FSHR: variants seen among roughly 807,000 people sequenced by gnomAD.
The protein encoded by FSHR is follicle stimulating hormone receptor.
FSHR carries 46 observed loss-of-function variants against 52.1 expected under a neutral mutation model. The observed-to-expected ratio is 0.88, with a 90% CI of 0.70 to 1.13. FSHR has a LOEUF of 1.13. Ranked by LOEUF, FSHR falls within the 50% of genes most tolerant of loss-of-function variation. FSHR has a pLI of 0.00. For missense variants in FSHR, 964 were observed against 834.6 expected (o/e 1.16, Z -1.91); for synonymous variants, 399 against 309.6 (o/e 1.29, Z -3.03).
At chr2:49,060,483 C>T (rs904818200) in intron 2 of FSHR, among the ~76,000 whole-genome samples, 1 of 152,196 alleles carries the variant, frequency 6.6e-6, no homozygotes, top group Non-Finnish European at 1.5e-5. Context: ...GGTGGTCACA[C>T]ACCCCAGTAC....
intron 1 of FSHR, among the ~76,000 whole-genome samples, chr2:49,100,160 G>A (rs1670975070): frequency 6.6e-6 from 1 of 152,108 alleles, no homozygotes; most frequent in Non-Finnish European, 1.5e-5. Context: ...GGAGGCCTAA[G>A]CACAGAGCAC....
At chr2:49,086,469 T>C (rs1296904827) in intron 1 of FSHR, among the ~76,000 whole-genome samples, 2 of 152,158 alleles carry the variant, frequency 1.3e-5, no homozygotes, top group East Asian at 3.9e-4. Flanking sequence ...ACTTAAGACT[T>C]TGAGATTTCT....
intron 2 of FSHR, among the ~76,000 whole-genome samples, chr2:49,055,385 G>T (rs541766214): frequency 5.2e-4 from 79 of 150,986 alleles, no homozygotes; most frequent in African/African-American, 1.8e-3. Context: ...AATTTATGAG[G>T]CATAGTTAAC....
intron 8 of FSHR, among the ~76,000 whole-genome samples, chr2:48,979,848 T>C (rs1675167979): frequency 6.6e-6 from 1 of 152,084 alleles, no homozygotes; most frequent in Admixed American, 6.5e-5. Context: ...GGGACTGCAA[T>C]CTGACCCAAG....
At chr2:49,138,158 C>T (rs1672551911) in intron 1 of FSHR, among the ~76,000 whole-genome samples, 1 of 151,998 alleles carries the variant, frequency 6.6e-6, no homozygotes, top group Admixed American at 6.5e-5. Flanking sequence ...AAATAAAAAC[C>T]ACAATGAAAT....
At chr2:49,139,736 T>C (rs1427505296) in intron 1 of FSHR, among the ~76,000 whole-genome samples, 1 of 152,004 alleles carries the variant, frequency 6.6e-6, no homozygotes, top group African/African-American at 2.4e-5. Context: ...TAGCTGGGAC[T>C]ACAGGCACCC....
chr2:49,026,486 C>T (rs1402678548), intron 2 of FSHR, among the ~76,000 whole-genome samples: 2 of 152,142 alleles, frequency 1.3e-5, no homozygotes, highest in Non-Finnish European at 2.9e-5. Context: ...GAGGGTGGCA[C>T]ACAGAAGTTC....
At chr2:49,104,164 C>T (rs949919558) in intron 1 of FSHR, among the ~76,000 whole-genome samples, 1 of 151,978 alleles carries the variant, frequency 6.6e-6, no homozygotes, top group African/African-American at 2.4e-5. Context: ...AAATGCTGAC[C>T]CCAGGCCCAA....
At chr2:49,007,948 A>G (rs1440523718) in intron 4 of FSHR, among the ~76,000 whole-genome samples, 5 of 152,006 alleles carry the variant, frequency 3.3e-5, no homozygotes, top group Non-Finnish European at 5.9e-5. Flanking sequence ...GGCACCCTTA[A>G]CTAGTAAATG....
intron 1 of FSHR, among the ~76,000 whole-genome samples, chr2:49,148,116 G>A: frequency 6.6e-6 from 1 of 152,100 alleles, no homozygotes; most frequent in East Asian, 1.9e-4. Flanking sequence ...AAGTGATTTT[G>A]TTTGGGCAAA....
chr2:49,002,125 A>G (rs1410730714), intron 4 of FSHR, among the ~76,000 whole-genome samples: 1 of 152,146 alleles, frequency 6.6e-6, no homozygotes, highest in Non-Finnish European at 1.5e-5. Flanking sequence ...ATCCACCAGT[A>G]AATATTTTAC....
chr2:49,002,668 A>G (rs930493649), intron 4 of FSHR, among the ~76,000 whole-genome samples: 1 of 152,196 alleles, frequency 6.6e-6, no homozygotes, highest in African/African-American at 2.4e-5. Context: ...CCATGATTCA[A>G]CTACCTCCCA....
At chr2:48,972,394 G>A (rs968000238) in intron 8 of FSHR, among the ~76,000 whole-genome samples, 21 of 152,236 alleles carry the variant, frequency 1.4e-4, no homozygotes, top group Non-Finnish European at 2.5e-4. Flanking sequence ...GGGGTCCCTG[G>A]AGATCAGAGT....
chr2:49,118,947 G>T (rs1671702122), intron 1 of FSHR, among the ~76,000 whole-genome samples: 1 of 152,092 alleles, frequency 6.6e-6, no homozygotes, highest in African/African-American at 2.4e-5. Context: ...TTTTTGCTTT[G>T]CAATAACTGT....
chr2:49,114,413 G>A (rs778255818), intron 1 of FSHR, among the ~76,000 whole-genome samples: 5 of 152,084 alleles, frequency 3.3e-5, no homozygotes, highest in Non-Finnish European at 5.9e-5. Flanking sequence ...GATTTCCTTT[G>A]TTTATAAACC....
intron 1 of FSHR, among the ~76,000 whole-genome samples, chr2:49,141,431 C>T (rs757742679): frequency 6.6e-6 from 1 of 151,930 alleles, no homozygotes; most frequent in Non-Finnish European, 1.5e-5. Flanking sequence ...AACAGGAATC[C>T]CACGTGGCAG....
chr2:49,099,936 A>G (rs1670966066), intron 1 of FSHR, among the ~76,000 whole-genome samples: 1 of 152,164 alleles, frequency 6.6e-6, no homozygotes. Context: ...GGCTATTAAT[A>G]TAATGTATAA....
rs1438077659 is a variant in FSHR, at chr2:49,067,784, C to T, written c.224+435G>A. Among the ~76,000 whole-genome samples the T allele has an allele frequency of 5.3e-5, 8 of 152,156 alleles. No homozygotes were observed. The East Asian group carries it at 1.5e-3, about 29-fold the overall frequency. ...CTTTGAAATGCTTATATATCAATTA[C>T]TACTTGCCTGCATGAATACTTTGGA... On this transcript the variant is annotated intron_variant, in intron 2 of 9. Transcript: ENST00000406846.
intron 1 of FSHR, among the ~76,000 whole-genome samples, chr2:49,077,955 T>C (rs1382655098): frequency 1.3e-5 from 2 of 152,212 alleles, no homozygotes; most frequent in Non-Finnish European, 2.9e-5. Context: ...TTTAGGAAGT[T>C]CCAAACTTTC....
Sources: allele counts gnomAD v4.1 joint callset (sites outside exome capture counted in the v4.1 genomes callset), GRCh38; gene constraint gnomAD v4.1.1; transcripts MANE v1.5; gene names NCBI Gene and HGNC (gene_info 2026-07-23, HGNC 2026-07-21).